Variants in EGLN1 observed in about 807,000 individuals in gnomAD.
The protein encoded by EGLN1 is egl nine homolog 1.
EGLN1 carries 17 observed loss-of-function variants against 38.3 expected under a neutral mutation model. The observed-to-expected ratio is 0.44, with a 90% CI of 0.30 to 0.67. EGLN1 has a LOEUF of 0.67. Ranked by LOEUF, EGLN1 falls within the 30% of genes least tolerant of loss-of-function variation. The pLI, the probability that EGLN1 is intolerant of heterozygous loss-of-function variation, is 0.08. For synonymous variants in EGLN1, 283 were observed against 257.5 expected, an observed-to-expected ratio of 1.10 and a Z score of -0.95; for missense variants, 477 against 603.3, an observed-to-expected ratio of 0.79 and a Z score of 2.19.
chr1:231,382,060 G>C (rs374110286), intron 1 of EGLN1, among the ~76,000 whole-genome samples: 1 of 152,162 alleles, frequency 6.6e-6, no homozygotes, highest in African/African-American at 2.4e-5. Flanking sequence ...TAATTCGTTG[G>C]AAGAGTCTGC....
At chr1:231,392,703 T>G (rs1245796219) in intron 1 of EGLN1, among the ~76,000 whole-genome samples, 2 of 152,216 alleles carry the variant, frequency 1.3e-5, no homozygotes, top group Non-Finnish European at 1.5e-5. Flanking sequence ...GCATAGCACC[T>G]GGTACCTAGT....
At chr1:231,402,221 G>C (rs1048815959) in intron 1 of EGLN1, among the ~76,000 whole-genome samples, 16 of 151,918 alleles carry the variant, frequency 1.1e-4, no homozygotes, top group Admixed American at 3.3e-4. Flanking sequence ...TGTTGAATAT[G>C]CTTGTAAATA....
intron 1 of EGLN1, among the ~76,000 whole-genome samples, chr1:231,374,908 G>A (rs1443918184): frequency 1.3e-5 from 2 of 152,066 alleles, no homozygotes; most frequent in East Asian, 3.9e-4. Flanking sequence ...TAAGCTTAAA[G>A]GTAGAAAAGA....
At chr1:231,411,444 T>G (rs1270649906) in intron 1 of EGLN1, among the ~76,000 whole-genome samples, 1 of 152,162 alleles carries the variant, frequency 6.6e-6, no homozygotes, top group African/African-American at 2.4e-5. Flanking sequence ...TGGTCAATCT[T>G]TTTATTCCCC....
At chr1:231,419,826 A>C (rs1656508273) in intron 1 of EGLN1, among the ~76,000 whole-genome samples, 1 of 152,226 alleles carries the variant, frequency 6.6e-6, no homozygotes, top group African/African-American at 2.4e-5. Context: ...CAGCCTGAGA[A>C]TCACATGTAA....
intron 1 of EGLN1, among the ~76,000 whole-genome samples, chr1:231,383,490 T>C (rs1349507231): frequency 2.0e-5 from 3 of 152,144 alleles, no homozygotes; most frequent in Non-Finnish European, 4.4e-5. Flanking sequence ...AAAGACTTTA[T>C]AGAGAAAGTG....
rs547747077 is a variant in EGLN1 at position 231,383,057 on chromosome 1, C to CAAAA, written c.892-8962_892-8959dup. 6.0e-4 allele frequency among the ~76,000 whole-genome samples: 42 copies of CAAAA among 70,552 alleles called. 1 individual carries two copies. The highest frequency in any genetic ancestry group is 2.1e-3 in the African/African-American group (34 of 15,846). The allele number at this position is 70,552 out of a possible 152,430, so 46.3% of individuals were successfully genotyped here. A position where few individuals can be genotyped will look rare whatever the true frequency, so the allele number is the denominator to read the frequency against. On this transcript the variant is annotated intron_variant, in intron 1 of 4. Transcript: ENST00000366641. ...TGGGCAACAGAGCGAAACTCTGTCT[C>CAAAA]AAAAAAAAAAAAAAAAAAAAAAAAA...
At chr1:231,412,811 G>C (rs1269810445) in intron 1 of EGLN1, among the ~76,000 whole-genome samples, 1 of 152,168 alleles carries the variant, frequency 6.6e-6, no homozygotes, top group African/African-American at 2.4e-5. Flanking sequence ...CTGAAAAAGT[G>C]GGGGCAAGAG....
intron 2 of EGLN1, 39 bp downstream of exon 2, chr1:231,373,941 C>A (rs187860642): frequency 6.2e-7 from 1 of 1,610,390 alleles, no homozygotes; most frequent in East Asian, 2.2e-5. Context: ...GAAAAAGACA[C>A]CTGTAAGAAA....
At chr1:231,375,561 A>C (rs1352540694) in intron 1 of EGLN1, among the ~76,000 whole-genome samples, 1 of 152,170 alleles carries the variant, frequency 6.6e-6, no homozygotes, top group East Asian at 1.9e-4. Context: ...TTCCCTAGAC[A>C]CTCTGAATTC....
chr1:231,390,351 T>C (rs767838335), intron 1 of EGLN1, among the ~76,000 whole-genome samples: 2 of 152,220 alleles, frequency 1.3e-5, no homozygotes, highest in Non-Finnish European at 2.9e-5. Flanking sequence ...TAAGTCTTAA[T>C]TCCTTCCTTC....
intron 3 of EGLN1, among the ~76,000 whole-genome samples, chr1:231,367,881 G>A (rs538320554): frequency 1.4e-4 from 22 of 152,270 alleles, no homozygotes; most frequent in African/African-American, 5.3e-4. Flanking sequence ...CAAGGGAACT[G>A]CAGATCAGAA....
chr1:231,393,481 C>T (rs554283460), intron 1 of EGLN1, among the ~76,000 whole-genome samples: 2 of 152,218 alleles, frequency 1.3e-5, no homozygotes, highest in East Asian at 3.9e-4. Flanking sequence ...TGTGTCTAAT[C>T]CTACTTCTTC....
intron 1 of EGLN1, among the ~76,000 whole-genome samples, chr1:231,413,643 A>C (rs1689007366): frequency 6.6e-6 from 1 of 152,072 alleles, no homozygotes; most frequent in African/African-American, 2.4e-5. Flanking sequence ...TCCAACTAGA[A>C]GATAAGGTCC....
At chr1:231,367,334 T>C (rs1355775936) in intron 4 of EGLN1, among the ~76,000 whole-genome samples, 1 of 152,202 alleles carries the variant, frequency 6.6e-6, no homozygotes, top group African/African-American at 2.4e-5. Flanking sequence ...TGTGAATAAT[T>C]TACTCAGACT....
chr1:231,411,880 T>C (rs1688957941), intron 1 of EGLN1, among the ~76,000 whole-genome samples: 1 of 151,612 alleles, frequency 6.6e-6, no homozygotes, highest in African/African-American at 2.4e-5. Flanking sequence ...GCACCTGTAG[T>C]CCCAGCTACT....
At chr1:231,379,777 T>C (rs1026439313) in intron 1 of EGLN1, among the ~76,000 whole-genome samples, 1 of 152,222 alleles carries the variant, frequency 6.6e-6, no homozygotes, top group African/African-American at 2.4e-5. Flanking sequence ...CACACAGACA[T>C]TGGCCTCGGC....
chr1:231,378,543 G>T (rs115583999), intron 1 of EGLN1, among the ~76,000 whole-genome samples: 1 of 152,142 alleles, frequency 6.6e-6, no homozygotes, highest in East Asian at 1.9e-4. Context: ...CAATCTGCCT[G>T]CCTCGGCCTC....
At chr1:231,402,378 G>A (rs1032373465) in intron 1 of EGLN1, among the ~76,000 whole-genome samples, 1 of 150,636 alleles carries the variant, frequency 6.6e-6, no homozygotes, top group African/African-American at 2.4e-5. Flanking sequence ...TGCTTATCTT[G>A]AGGTCACAAG....
Sources: allele counts gnomAD v4.1 joint callset (sites outside exome capture counted in the v4.1 genomes callset), GRCh38; gene constraint gnomAD v4.1.1; transcripts MANE v1.5; gene names NCBI Gene and HGNC (gene_info 2026-07-23, HGNC 2026-07-21).